AGAP9: variants seen among roughly 807,000 people sequenced by gnomAD.
AGAP9 encodes the protein ArfGAP with GTPase domain, ankyrin repeat and PH domain 9.
A neutral mutation model predicts 55.6 loss-of-function variants in AGAP9; 23 were observed. The observed-to-expected ratio is 0.41, with a 90% CI of 0.30 to 0.59. AGAP9 has a LOEUF of 0.59. Among genes scored for constraint, AGAP9 ranks in the 20% least tolerant of loss-of-function variants. AGAP9 has a pLI of 0.25. For synonymous variants in AGAP9, 120 were observed against 305.0 expected (o/e 0.39, Z 6.32); for missense variants, 309 against 808.1 (o/e 0.38, Z 7.49).
chr10:47,510,808 A>C (rs1840596848), intron 4 of AGAP9, among the ~76,000 whole-genome samples: 1 of 92,172 alleles, frequency 1.1e-5, no homozygotes, highest in Non-Finnish European at 2.0e-5. Context: ...CCAGGCCGGG[A>C]GACAAAGTGA....
chr10:47,510,787 G>A (rs1372987718), intron 4 of AGAP9, among the ~76,000 whole-genome samples: 7 of 98,644 alleles, frequency 7.1e-5, no homozygotes, highest in African/African-American at 3.0e-4. Flanking sequence ...CCGAGTTCGC[G>A]CCACTGCACT....
At chr10:47,515,921 G>A (rs4013059) in intron 4 of AGAP9, among the ~76,000 whole-genome samples, 1 of 118,174 alleles carries the variant, frequency 8.5e-6, no homozygotes, top group Non-Finnish European at 1.7e-5. Flanking sequence ...ACACATTGGA[G>A]GGAAGCCTCC....
intron 3 of AGAP9, among the ~76,000 whole-genome samples, chr10:47,518,779 A>AT (rs1196335341): frequency 9.0e-5 from 12 of 133,662 alleles, no homozygotes; most frequent in South Asian, 2.4e-4. Context: ...TCAAAAAATC[A>AT]TTTTTTTTCC....
At chr10:47,521,332 CT>C (rs1840830871) in intron 2 of AGAP9, among the ~76,000 whole-genome samples, 1 of 140,504 alleles carries the variant, frequency 7.1e-6, no homozygotes, top group Non-Finnish European at 1.5e-5. Flanking sequence ...TACTTACATG[CT>C]TTGTGTATAA....
intron 2 of AGAP9, among the ~76,000 whole-genome samples, chr10:47,522,226 T>G (rs1840862481): frequency 7.0e-6 from 1 of 141,896 alleles, no homozygotes. Context: ...ATTAAAAGTC[T>G]ACGTTGACGT....
intron 2 of AGAP9, among the ~76,000 whole-genome samples, chr10:47,520,838 T>TAAA (rs1233034365): frequency 1.3e-4 from 12 of 89,322 alleles, no homozygotes; most frequent in Non-Finnish European, 1.9e-4. Flanking sequence ...CTCCTTTATT[T>TAAA]AAAAAAAAAA....
intron 3 of AGAP9, among the ~76,000 whole-genome samples, chr10:47,519,425 G>A (rs1380879734): frequency 1.7e-5 from 2 of 119,282 alleles, no homozygotes; most frequent in Admixed American, 8.7e-5. Flanking sequence ...CCAAGATTGT[G>A]CCATTGCACT....
Position 47,502,408 on chromosome 10 carries a change from T to C in AGAP9, c.1721A>G (p.Lys574Arg), listed in dbSNP as rs1840369754. ...GCAGGGTAGTGGGGCCAGAAAGAGC[T>C]TCTCCTCATATTTGGAACGGATCCA... ...EWWIRSKYEE[K>R]LFLAPLPCTE... Residue 574 changes from lysine to arginine, a missense_variant, in exon 8 of 8, where the codon AAG becomes AGG. By Grantham distance (26) the Lys-to-Arg change is conservative. Coordinates refer to ENST00000452145, the MANE Select transcript of AGAP9 (RefSeq NM_001190810.1). 8 of 1,610,514 alleles carry C rather than the reference T, an allele frequency of 5.0e-6. No individual in the cohort carries two copies. The highest frequency in any genetic ancestry group is 6.8e-6 in the Non-Finnish European group (8 of 1,179,726).
At chr10:47,510,030 C>A in intron 5 of AGAP9, 141 bp downstream of exon 5, 6 of 1,457,064 alleles carry the variant, frequency 4.1e-6, no homozygotes, top group Non-Finnish European at 5.4e-6. Flanking sequence ...AAAAGAGAAA[C>A]TGATACTTAA....
At position 47,503,505 on chromosome 10, in the gene AGAP9, AC is replaced by A. The variant is rs1840402369; in HGVS notation, c.623del (p.Gly208ValfsTer4). 6.2e-7 allele frequency: 1 copy of A among 1,605,950 alleles called. No individual in the cohort carries two copies. Among genetic ancestry groups the A allele is most frequent in the Non-Finnish European group, 8.5e-7 (1 of 1,178,498 alleles). On this transcript the variant is annotated frameshift_variant, in exon 8 of 8. Transcript: ENST00000452145. LOFTEE classifies it high-confidence loss of function. Reference sequence around the variant, plus strand: ...AGGAGGAATAGTTATTTAAACTCCCACCTCCATTTCTTTTCTTCATAATGTG... The same window carrying A: ...AGGAGGAATAGTTATTTAAACTCCCACTCCATTTCTTTTCTTCATAATGTG... ...TVHIMKKRNGGGSLNNYSSSI... is the reference protein window; with the variant it reads ...TVHIMKKRNGXGSLNNYSSSI...
chr10:47,522,261 C>T lies in AGAP9; in HGVS notation c.292+605G>A, dbSNP rs1257323670. Among the ~76,000 whole-genome samples the T allele has an allele frequency of 3.1e-4, 45 of 143,612 alleles. 2 individuals carry two copies. The highest frequency in any genetic ancestry group is 6.6e-4 in the South Asian group (3 of 4,530). The allele number at this position is 143,612 out of a possible 152,430, so 94.2% of individuals were successfully genotyped here. ...TTTCATGTCTTTTGAAAGTTTTGAC[C>T]GTGAACCAATCCCCACCTCTCTTTT... is the stretch of plus-strand genomic sequence containing the variant. On this transcript the variant is annotated intron_variant, in intron 2 of 7. Transcript: ENST00000452145.
chr10:47,522,441 C>T (rs1362936065), intron 2 of AGAP9, among the ~76,000 whole-genome samples: 7 of 150,234 alleles, frequency 4.7e-5, no homozygotes, highest in African/African-American at 1.0e-4. Flanking sequence ...TCTGCAGCCC[C>T]GGCTGTGACA....
rs1258658785 is a variant in AGAP9, at chr10:47,522,185, G to A, written c.292+681C>T. Among the ~76,000 whole-genome samples, 5 of 141,374 alleles carry A rather than the reference G, an allele frequency of 3.5e-5. 1 individual carries two copies. In the East Asian group the frequency reaches 1.4e-3, roughly 39 times the overall value. 92.7% of individuals were successfully genotyped at this position (141,374 alleles called of 152,430 possible). On this transcript the variant is annotated intron_variant, in intron 2 of 7. Transcript: ENST00000452145. ...AACAAACACTCTTACAGGGAAGTCT[G>A]ACATTTTAACCTGCAATCTTTATAT...
chr10:47,517,199 G>A (rs1453788176), intron 4 of AGAP9, among the ~76,000 whole-genome samples: 749 of 84,812 alleles, frequency 8.8e-3, no homozygotes, highest in Admixed American at 0.019. Context: ...TCAATAGACA[G>A]TGCTGGCAAT....
intron 6 of AGAP9, among the ~76,000 whole-genome samples, chr10:47,504,787 TG>T (rs1434080888): frequency 7.1e-6 from 1 of 141,342 alleles, no homozygotes; most frequent in Admixed American, 7.3e-5. Flanking sequence ...AAATGTGCTC[TG>T]TGGACCTCTC....
chr10:47,510,294 G>A (rs1312708094), intron 4 of AGAP9, 23 bp from the exon 5 acceptor site: 2 of 1,129,612 alleles, frequency 1.8e-6, no homozygotes, highest in East Asian at 3.5e-5. Flanking sequence ...GGAAGTGTAA[G>A]TCAAACTTAT....
chr10:47,519,088 A>G lies in AGAP9; in HGVS notation c.362-1231T>C, dbSNP rs74772594. ...TTGGAGACAGGGCCTAGTGGGAGGC[A>G]TTTGGGTAATGGCAGTGGATTCCTT... On this transcript the variant is annotated intron_variant, in intron 3 of 7. Coordinates refer to ENST00000452145, the MANE Select transcript of AGAP9 (RefSeq NM_001190810.1). Among the ~76,000 whole-genome samples, 231 of 135,790 alleles carry G rather than the reference A, an allele frequency of 1.7e-3. 2 individuals are homozygous for G. Among genetic ancestry groups the G allele is most frequent in the African/African-American group, 6.0e-3 (201 of 33,614 alleles). 89.1% of individuals were successfully genotyped at this position (135,790 alleles called of 152,430 possible).
In AGAP9 at chr10:47,502,010, G is replaced by T; in HGVS notation, c.*142C>A. On this transcript the variant is annotated 3_prime_UTR_variant, in exon 8 of 8. Coordinates refer to ENST00000452145, the MANE Select transcript of AGAP9 (RefSeq NM_001190810.1). ...ATTTGTGATTTCCTTTTGAAATTCTGAGTTATCCTTATTTTTCCCATTTTG... is the reference window on the plus strand; with the variant it reads ...ATTTGTGATTTCCTTTTGAAATTCTTAGTTATCCTTATTTTTCCCATTTTG... 7.3e-7 allele frequency: 1 copy of T among 1,375,432 alleles called. No individual in the cohort carries two copies. 85.2% of individuals were successfully genotyped at this position (1,375,432 alleles called of 1,614,324 possible). A position where few individuals can be genotyped will look rare whatever the true frequency, so the allele number is the denominator to read the frequency against.
rs1840369841 is a variant in AGAP9 at position 47,502,410 on chromosome 10, C to A, written c.1719G>T (p.Glu573Asp). 1.2e-6 allele frequency: 2 copies of A among 1,610,696 alleles called. No homozygotes were observed. The highest frequency in any genetic ancestry group is 2.7e-5 in the African/African-American group (2 of 74,074). ...AGGGTAGTGGGGCCAGAAAGAGCTT[C>A]TCCTCATATTTGGAACGGATCCACC... ...KEWWIRSKYE[E>D]KLFLAPLPCT... is the part of the protein sequence containing the mutation. The change falls in exon 8 of 8, where the codon GAG becomes GAT. Residue 573 changes from glutamate (E) to aspartate (D), a missense_variant. Physicochemically the swap from Glu to Asp is conservative, Grantham distance 45 (BLOSUM62 2). Coordinates refer to ENST00000452145, the MANE Select transcript of AGAP9 (RefSeq NM_001190810.1).
Sources: gnomAD v4.1 joint callset for allele counts (sites outside exome capture counted in the v4.1 genomes callset) on GRCh38, gnomAD v4.1.1 for gene constraint, MANE v1.5 for transcripts, NCBI Gene and HGNC (gene_info 2026-07-23, HGNC 2026-07-21) for gene names.